Variants in SBF2 observed in about 807,000 individuals in gnomAD.
SBF2 encodes the protein SET binding factor 2.
In SBF2, 112 loss-of-function variants were observed where a neutral mutation model predicts 225.2. The ratio of observed to expected loss-of-function variants is 0.50; its 90% confidence interval spans 0.43 to 0.58. The LOEUF (loss-of-function observed/expected upper bound fraction) is 0.58. SBF2 is among the 20% of genes least tolerant of loss of function. The pLI is 0.00. For synonymous variants in SBF2, 763 were observed against 773.3 expected (o/e 0.99, Z 0.22); for missense variants, 1,996 against 2,206.2 (o/e 0.90, Z 1.91).
intron 2 of SBF2, among the ~76,000 whole-genome samples, chr11:10,125,645 T>C (rs555237521): frequency 6.6e-6 from 1 of 152,294 alleles, no homozygotes; most frequent in African/African-American, 2.4e-5. Flanking sequence ...AGAGACAGGG[T>C]ACAGTTGTTT....
At chr11:9,829,587 T>A in intron 27 of SBF2, 91 bp from the exon 28 acceptor site, 1 of 1,168,656 alleles carries the variant, frequency 8.6e-7, no homozygotes, top group Non-Finnish European at 1.3e-6. Context: ...TATCTATCTA[T>A]GCTTATTTTT....
intron 35 of SBF2, among the ~76,000 whole-genome samples, chr11:9,788,166 G>C (rs534765458): frequency 6.6e-6 from 1 of 152,334 alleles, no homozygotes; most frequent in South Asian, 2.1e-4. Context: ...CAAACCAGAT[G>C]TGGAAAGAAT....
intron 32 of SBF2, among the ~76,000 whole-genome samples, chr11:9,798,890 TG>T: frequency 1.3e-5 from 2 of 148,278 alleles, no homozygotes; most frequent in Admixed American, 1.4e-4. Flanking sequence ...AGGCGGAGCT[TG>T]CAGTGAGCCG....
At chr11:10,141,597 T>A (rs556321406) in intron 2 of SBF2, among the ~76,000 whole-genome samples, 1 of 152,166 alleles carries the variant, frequency 6.6e-6, no homozygotes. Context: ...AAATTATAGC[T>A]TCCCTCAAGT....
At chr11:10,272,403 A>G (rs1565422686) in intron 1 of SBF2, 2 of 473,184 alleles carry the variant, frequency 4.2e-6, no homozygotes, top group Admixed American at 3.5e-5. Context: ...AATTTCTTCA[A>G]TAACTTCAAA....
chr11:9,796,759 G>A (rs944528932), intron 32 of SBF2, among the ~76,000 whole-genome samples: 11 of 152,172 alleles, frequency 7.2e-5, no homozygotes, highest in African/African-American at 2.7e-4. Flanking sequence ...AAGGGCAGGA[G>A]CTAATGCCTT....
At chr11:10,242,495 TTATC>T (rs1454910999) in intron 1 of SBF2, among the ~76,000 whole-genome samples, 2 of 152,150 alleles carry the variant, frequency 1.3e-5, no homozygotes, top group African/African-American at 4.8e-5. Context: ...GCAATAGTTC[TTATC>T]TATCAATCAC....
chr11:10,265,250 T>A (rs1490477877), intron 1 of SBF2, among the ~76,000 whole-genome samples: 1 of 152,160 alleles, frequency 6.6e-6, no homozygotes, highest in African/African-American at 2.4e-5. Context: ...TTCTGTTGTT[T>A]CTTGACTTTT....
chr11:9,974,462 T>C (rs926330562), intron 13 of SBF2, among the ~76,000 whole-genome samples: 1 of 152,008 alleles, frequency 6.6e-6, no homozygotes, highest in African/African-American at 2.4e-5. Context: ...GAACCACTGC[T>C]CTAATTCATG....
At chr11:10,193,092 C>A (rs1376075790) in intron 2 of SBF2, among the ~76,000 whole-genome samples, 3 of 152,096 alleles carry the variant, frequency 2.0e-5, no homozygotes, top group African/African-American at 7.2e-5. Context: ...AACCTTCAGA[C>A]CTTGTAGCTA....
rs11439930 is a variant in SBF2 at position 9,916,599 on chromosome 11, T to TTTTTTTTTTTTTTTTTTTATATGG, written c.1861-20589_1861-20588insCCATATAAAAAAAAAAAAAAAAAA. On this transcript the variant is annotated intron_variant, in intron 16 of 39. Transcript: ENST00000256190. ...ACTTACATCTTTTTCTTTCTTTTCC[T>TTTTTTTTTTTTTTTTTTTATATGG]TTTTTTTCTTTTTTTTGAGACAGGG... Among the ~76,000 whole-genome samples, 2 of 36,304 alleles carry TTTTTTTTTTTTTTTTTTTATATGG rather than the reference T, an allele frequency of 5.5e-5. 1 individual carries two copies. Among genetic ancestry groups the TTTTTTTTTTTTTTTTTTTATATGG allele is most frequent in the Non-Finnish European group, 1.2e-4 (2 of 16,342 alleles). The allele number at this position is 36,304 out of a possible 152,430, so 23.8% of individuals were successfully genotyped here.
chr11:10,173,661 A>G (rs1956322256), intron 2 of SBF2, among the ~76,000 whole-genome samples: 1 of 152,106 alleles, frequency 6.6e-6, no homozygotes, highest in South Asian at 2.1e-4. Context: ...AGCCCACCAC[A>G]ACTCAAGGAG....
intron 16 of SBF2, among the ~76,000 whole-genome samples, chr11:9,949,141 C>T (rs1479478900): frequency 6.6e-6 from 1 of 152,052 alleles, no homozygotes; most frequent in East Asian, 1.9e-4. Context: ...AGGTAGAAAG[C>T]ACAATTTCTA....
At chr11:10,050,411 T>C (rs1950017020) in intron 2 of SBF2, among the ~76,000 whole-genome samples, 1 of 152,146 alleles carries the variant, frequency 6.6e-6, no homozygotes. Flanking sequence ...GTATGTACTA[T>C]GTATGTATGT....
At chr11:10,143,573 T>G (rs1474332020) in intron 2 of SBF2, among the ~76,000 whole-genome samples, 3 of 152,126 alleles carry the variant, frequency 2.0e-5, no homozygotes, top group Non-Finnish European at 4.4e-5. Context: ...ACTAAAACAG[T>G]AAATGAAGAA....
At chr11:10,118,593 G>C (rs1240868660) in intron 2 of SBF2, among the ~76,000 whole-genome samples, 1 of 151,952 alleles carries the variant, frequency 6.6e-6, no homozygotes, top group African/African-American at 2.4e-5. Context: ...ATATTTGGTT[G>C]TACCATATAT....
chr11:10,200,787 T>G (rs1278701727), intron 1 of SBF2, among the ~76,000 whole-genome samples: 1 of 152,150 alleles, frequency 6.6e-6, no homozygotes, highest in African/African-American at 2.4e-5. Context: ...TAAAAACAAT[T>G]GCAGTAGAAT....
chr11:10,003,222 T>A (rs770777850), intron 6 of SBF2, among the ~76,000 whole-genome samples: 3 of 152,260 alleles, frequency 2.0e-5, no homozygotes, highest in Non-Finnish European at 4.4e-5. Context: ...AATCAGAGAC[T>A]GTAACTGAAA....
intron 13 of SBF2, among the ~76,000 whole-genome samples, chr11:9,980,970 A>C (rs7118211): frequency 0.11 from 17,175 of 152,292 alleles, 1,089 homozygotes; most frequent in Non-Finnish European, 0.13. Flanking sequence ...CTTTCAAAAA[A>C]GTATTTATTC....
Sources: gnomAD v4.1 joint callset for allele counts (sites outside exome capture counted in the v4.1 genomes callset) on GRCh38, gnomAD v4.1.1 for gene constraint, MANE v1.5 for transcripts, NCBI Gene and HGNC (gene_info 2026-07-23, HGNC 2026-07-21) for gene names.